HMGA2: variants seen among roughly 807,000 people sequenced by gnomAD.
HMGA2 encodes high mobility group AT-hook 2.
HMGA2 carries 8 observed loss-of-function variants against 19.1 expected under a neutral mutation model. That is an observed-to-expected ratio of 0.42 (90% CI 0.25 to 0.76). HMGA2 has a LOEUF of 0.76. HMGA2 is among the 30% of genes least tolerant of loss of function. HMGA2 has a pLI of 0.28. For synonymous variants in HMGA2, 60 were observed against 48.8 expected, an observed-to-expected ratio of 1.23 and a Z score of -0.96; for missense variants, 109 against 136.3, an observed-to-expected ratio of 0.80 and a Z score of 1.00.
intron 3 of HMGA2, among the ~76,000 whole-genome samples, chr12:65,931,895 A>G (rs1592453603): frequency 6.6e-6 from 1 of 152,166 alleles, no homozygotes; most frequent in African/African-American, 2.4e-5. Flanking sequence ...AGCCTGGGCG[A>G]TAGAGCAAGA....
intron 3 of HMGA2, chr12:65,858,887 A>G (rs1204931892): frequency 6.6e-6 from 1 of 152,240 alleles, no homozygotes; most frequent in African/African-American, 2.4e-5. Flanking sequence ...TAGATTGCTA[A>G]CAAGGTTTTT....
chr12:65,899,021 G>A (rs764950851), intron 3 of HMGA2, among the ~76,000 whole-genome samples: 53 of 130,532 alleles, frequency 4.1e-4, no homozygotes, highest in Non-Finnish European at 7.3e-4. Flanking sequence ...TCCAGCCTGG[G>A]CAACAGAGCG....
At position 65,825,638 on chromosome 12, in the gene HMGA2, C is replaced by A. The variant is rs1478034663; in HGVS notation, c.111+257C>A. On this transcript the variant is annotated intron_variant, in intron 1 of 4. Coordinates refer to ENST00000403681, the MANE Select transcript of HMGA2 (RefSeq NM_003483.6). This position sits in a 1 kb window ranked among gnomAD's most constrained non-coding sequence, Gnocchi z 4.4. ...GCGGGAGGTGGGGTCGGGCGAAGCGCGTCCTCGGACTTTCGCTATTGTGCA... is the reference window on the plus strand; with the variant it reads ...GCGGGAGGTGGGGTCGGGCGAAGCGAGTCCTCGGACTTTCGCTATTGTGCA... Among the ~76,000 whole-genome samples the A allele has an allele frequency of 6.6e-6, 1 of 151,854 alleles. No homozygotes were observed. Among genetic ancestry groups the A allele is most frequent in the African/African-American group, 2.4e-5 (1 of 41,376 alleles).
At chr12:65,921,820 T>G (rs1875324990) in intron 3 of HMGA2, among the ~76,000 whole-genome samples, 1 of 152,186 alleles carries the variant, frequency 6.6e-6, no homozygotes, top group South Asian at 2.1e-4. Flanking sequence ...AGGGTCCCCA[T>G]GCTGTGTGCA....
At chr12:65,889,329 T>C (rs141717984) in intron 3 of HMGA2, among the ~76,000 whole-genome samples, 51 of 152,352 alleles carry the variant, frequency 3.3e-4, no homozygotes, top group Non-Finnish European at 6.8e-4. Flanking sequence ...TGTTATTTGC[T>C]ATTTGTTCCT....
chr12:65,950,543 TGGGA>T (rs1250874064), intron 3 of HMGA2, among the ~76,000 whole-genome samples: 5 of 152,150 alleles, frequency 3.3e-5, no homozygotes, highest in Non-Finnish European at 5.9e-5. Context: ...CACTTAGGCA[TGGGA>T]GGTGGCTAGG....
chr12:65,963,420 G>C lies in HMGA2; in HGVS notation c.*128G>C. On this transcript the variant is annotated 3_prime_UTR_variant, in exon 5 of 5. Coordinates refer to ENST00000403681, the MANE Select transcript of HMGA2 (RefSeq NM_003483.6). ...TTCATCTGGGGTGGGGTGGGGTGGG[G>C]TGGGGGAGGGGGGGGTGGGGTGGGG... 2.4e-6 allele frequency: 1 copy of C among 413,894 alleles called. No homozygotes were observed. Among genetic ancestry groups the C allele is most frequent in the Non-Finnish European group, 4.4e-6 (1 of 228,672 alleles). The allele number at this position is 413,894 out of a possible 1,614,324, so 25.6% of individuals were successfully genotyped here.
At chr12:65,849,458 G>A (rs933595593) in intron 3 of HMGA2, among the ~76,000 whole-genome samples, 10 of 152,124 alleles carry the variant, frequency 6.6e-5, no homozygotes, top group African/African-American at 2.4e-4. Flanking sequence ...TGTTCATTCT[G>A]TGCTATTAAT....
chr12:65,963,902 T>A lies in HMGA2; in HGVS notation c.*610T>A, dbSNP rs1876829076. The A allele has an allele frequency of 4.7e-6, 1 of 212,726 alleles. No individual in the cohort carries two copies. Among genetic ancestry groups the A allele is most frequent in the Non-Finnish European group, 9.5e-6 (1 of 105,064 alleles). The allele number at this position is 212,726 out of a possible 1,614,324, so 13.2% of individuals were successfully genotyped here. ...TTTATTTCTAAATGAGACGAAATGC[T>A]GATGTATCCTTTCATTCAGCTAACA... On this transcript the variant is annotated 3_prime_UTR_variant, in exon 5 of 5. Transcript: ENST00000403681.
chr12:65,910,021 G>T (rs1392735371), intron 3 of HMGA2, among the ~76,000 whole-genome samples: 1 of 152,170 alleles, frequency 6.6e-6, no homozygotes, highest in Admixed American at 6.5e-5. Context: ...AAAGCTAACA[G>T]CACAAAAGAG....
At chr12:65,879,561 A>G (rs1416226030) in intron 3 of HMGA2, among the ~76,000 whole-genome samples, 1 of 152,236 alleles carries the variant, frequency 6.6e-6, no homozygotes, top group African/African-American at 2.4e-5. Context: ...AGTAAGCAAA[A>G]GTGTGTTATG....
At chr12:65,870,805 A>C (rs1192938574) in intron 3 of HMGA2, among the ~76,000 whole-genome samples, 3 of 152,226 alleles carry the variant, frequency 2.0e-5, no homozygotes, top group African/African-American at 7.2e-5. Context: ...GTAGGAGTAA[A>C]TCAATGGAGG....
chr12:65,927,923 TTC>T (rs1875569177), intron 3 of HMGA2, among the ~76,000 whole-genome samples: 1 of 144,646 alleles, frequency 6.9e-6, no homozygotes, highest in Non-Finnish European at 1.5e-5. Context: ...ACATACATAT[TTC>T]TGTCACCCAA....
intron 3 of HMGA2, chr12:65,867,527 A>G: frequency 2.2e-6 from 1 of 455,064 alleles, no homozygotes; most frequent in Non-Finnish European, 4.4e-6. Flanking sequence ...TAAAGGAATG[A>G]GAAGACCAAA....
chr12:65,855,686 G>A (rs1484519543), intron 3 of HMGA2, among the ~76,000 whole-genome samples: 1 of 146,302 alleles, frequency 6.8e-6, no homozygotes, highest in Non-Finnish European at 1.5e-5. Flanking sequence ...GTTTGTTTAG[G>A]TAACCAGAAC....
At chr12:65,896,192 A>G (rs1874121376) in intron 3 of HMGA2, among the ~76,000 whole-genome samples, 1 of 152,186 alleles carries the variant, frequency 6.6e-6, no homozygotes, top group Non-Finnish European at 1.5e-5. Context: ...TTTTCTTCAA[A>G]TGTTCATTGC....
chr12:65,869,779 T>C (rs1300619998), intron 3 of HMGA2, among the ~76,000 whole-genome samples: 1 of 152,166 alleles, frequency 6.6e-6, no homozygotes, highest in African/African-American at 2.4e-5. Flanking sequence ...TAAAAACATA[T>C]TTTATTGACA....
At chr12:65,878,215 C>T (rs534328668) in intron 3 of HMGA2, among the ~76,000 whole-genome samples, 4 of 152,316 alleles carry the variant, frequency 2.6e-5, no homozygotes, top group South Asian at 2.1e-4. Flanking sequence ...TCTGCAACAA[C>T]GTTTCTTGTA....
intron 3 of HMGA2, among the ~76,000 whole-genome samples, chr12:65,888,617 G>A (rs1204845966): frequency 1.9e-5 from 2 of 106,240 alleles, no homozygotes; most frequent in African/African-American, 7.3e-5. Context: ...AGGCTGGAGT[G>A]CAGTGGCGCG....
Sources: gnomAD v4.1 joint callset for allele counts (sites outside exome capture counted in the v4.1 genomes callset) on GRCh38, gnomAD v4.1.1 for gene constraint, Gnocchi (gnomAD v3.1) non-coding constraint, MANE v1.5 for transcripts, NCBI Gene and HGNC (gene_info 2026-07-23, HGNC 2026-07-21) for gene names.